The following CDH18 variants were observed in gnomAD, a reference collection of about 807,000 sequenced individuals.
CDH18 encodes the protein cadherin-18.
In CDH18, 31 loss-of-function variants were observed where a neutral mutation model predicts 67.9. The observed-to-expected ratio is 0.46, with a 90% confidence interval of 0.34 to 0.62. CDH18 has a LOEUF of 0.62. CDH18 is among the 20% of genes least tolerant of loss of function. The pLI is 0.01. For synonymous variants in CDH18, 362 were observed against 347.2 expected, an observed-to-expected ratio of 1.04 and a Z score of -0.48; for missense variants, 890 against 975.5, an observed-to-expected ratio of 0.91 and a Z score of 1.17.
At chr5:19,823,348 T>A (rs541015267) in intron 3 of CDH18, among the ~76,000 whole-genome samples, 2 of 152,268 alleles carry the variant, frequency 1.3e-5, no homozygotes, top group South Asian at 4.1e-4. Flanking sequence ...GTCCATGAAA[T>A]CTTCACAATT....
intron 11 of CDH18, among the ~76,000 whole-genome samples, chr5:19,485,506 C>T (rs950661833): frequency 3.9e-5 from 6 of 152,106 alleles, no homozygotes; most frequent in Admixed American, 6.6e-5. Flanking sequence ...CCACCCGCCT[C>T]GGCCTCCCAA....
chr5:20,219,084 T>C (rs1293378459), intron 2 of CDH18, among the ~76,000 whole-genome samples: 1 of 151,564 alleles, frequency 6.6e-6, no homozygotes, highest in Non-Finnish European at 1.5e-5. Flanking sequence ...TTTGATCAGA[T>C]AAAATCTACA....
intron 12 of CDH18, among the ~76,000 whole-genome samples, chr5:19,482,331 T>C (rs991584495): frequency 6.6e-6 from 1 of 152,070 alleles, no homozygotes; most frequent in South Asian, 2.1e-4. Context: ...TTAGCCAGGA[T>C]AGTCTCGATC....
At chr5:20,425,667 T>A (rs541216835) in intron 1 of CDH18, among the ~76,000 whole-genome samples, 1 of 151,076 alleles carries the variant, frequency 6.6e-6, no homozygotes, top group South Asian at 2.1e-4. Context: ...ATCTGGAGAT[T>A]GGGCGCAGAG....
chr5:20,150,587 C>G (rs1751021189), intron 2 of CDH18, among the ~76,000 whole-genome samples: 3 of 152,112 alleles, frequency 2.0e-5, no homozygotes, highest in Admixed American at 6.6e-5. Flanking sequence ...TATTTCTTAA[C>G]TTAGGTGGCA....
intron 5 of CDH18, among the ~76,000 whole-genome samples, chr5:19,698,742 A>T (rs1303105555): frequency 1.3e-5 from 2 of 152,096 alleles, no homozygotes; most frequent in African/African-American, 4.8e-5. Context: ...GAGAGAAAAG[A>T]TGTGGAAGAG....
rs1338411726 is a variant in CDH18, at chr5:19,977,486, A to G, written c.-257+3574T>C. Among the ~76,000 whole-genome samples, 5 of 152,126 alleles carry G rather than the reference A, an allele frequency of 3.3e-5. No homozygotes were observed. The East Asian group carries it at 9.6e-4, about 29-fold the overall frequency. Reference sequence around the variant, plus strand: ...TCACCAATAAGCCAGATTAAAGAAGACTGGCATATGTCACTCCATTTGCAT... The same window carrying G: ...TCACCAATAAGCCAGATTAAAGAAGGCTGGCATATGTCACTCCATTTGCAT... On this transcript the variant is annotated intron_variant, in intron 2 of 12. Transcript: ENST00000382275.
chr5:20,138,524 C>A (rs945581214), intron 2 of CDH18, among the ~76,000 whole-genome samples: 22 of 152,040 alleles, frequency 1.4e-4, no homozygotes, highest in African/African-American at 5.3e-4. Flanking sequence ...GAAGTCAAAT[C>A]TTCCCTGTTT....
intron 3 of CDH18, among the ~76,000 whole-genome samples, chr5:19,764,485 C>T (rs2149715397): frequency 1.3e-5 from 2 of 151,716 alleles, no homozygotes; most frequent in South Asian, 4.1e-4. Context: ...TTAATATAAA[C>T]ACATATAAAG....
chr5:19,618,583 A>G (rs147592065), intron 5 of CDH18, among the ~76,000 whole-genome samples: 24 of 152,294 alleles, frequency 1.6e-4, no homozygotes, highest in African/African-American at 5.5e-4. Flanking sequence ...GAAAATGGGT[A>G]GGACTCCCAG....
At chr5:19,759,021 C>A (rs1232423010) in intron 3 of CDH18, among the ~76,000 whole-genome samples, 1 of 152,190 alleles carries the variant, frequency 6.6e-6, no homozygotes. Context: ...TATTGCTGGC[C>A]TTGCCAGCTG....
intron 1 of CDH18, among the ~76,000 whole-genome samples, chr5:20,368,737 A>G (rs1439766906): frequency 2.0e-5 from 3 of 152,188 alleles, no homozygotes; most frequent in Non-Finnish European, 4.4e-5. Context: ...GCATTAGAGC[A>G]CACAAAGCCC....
intron 2 of CDH18, among the ~76,000 whole-genome samples, chr5:20,140,090 T>C (rs547547746): frequency 1.3e-5 from 2 of 152,256 alleles, no homozygotes; most frequent in East Asian, 1.9e-4. Context: ...AATGATAGAC[T>C]GGATTAAGAA....
chr5:20,214,177 A>G (rs570456659), intron 2 of CDH18, among the ~76,000 whole-genome samples: 2 of 152,212 alleles, frequency 1.3e-5, no homozygotes, highest in East Asian at 1.9e-4. Flanking sequence ...ACACTGCTCA[A>G]TGAAATTAGA....
At chr5:20,486,696 T>TATATATATATATATATAC (rs1434458790) in intron 1 of CDH18, among the ~76,000 whole-genome samples, 2 of 150,400 alleles carry the variant, frequency 1.3e-5, no homozygotes, top group Non-Finnish European at 3.0e-5. Flanking sequence ...TATATATATA[T>TATATATATATATATATAC]ATACATATAT....
intron 2 of CDH18, among the ~76,000 whole-genome samples, chr5:20,145,548 T>C (rs1341920664): frequency 6.6e-6 from 1 of 152,196 alleles, no homozygotes; most frequent in Non-Finnish European, 1.5e-5. Flanking sequence ...CAAGGTGTGC[T>C]GATTTAAATT....
intron 1 of CDH18, among the ~76,000 whole-genome samples, chr5:20,414,795 C>T (rs73058762): frequency 1.2e-3 from 180 of 152,152 alleles, no homozygotes; most frequent in African/African-American, 4.2e-3. Context: ...GTGAGAATGG[C>T]TATCATCAAA....
At chr5:19,530,714 G>A (rs2126976720) in intron 9 of CDH18, among the ~76,000 whole-genome samples, 1 of 152,276 alleles carries the variant, frequency 6.6e-6, no homozygotes, top group African/African-American at 2.4e-5. Context: ...ATAGTTTGCT[G>A]AGAATGATGG....
intron 2 of CDH18, among the ~76,000 whole-genome samples, chr5:20,229,452 TA>T (rs1192443209): frequency 2.0e-5 from 3 of 152,194 alleles, no homozygotes; most frequent in African/African-American, 7.2e-5. Context: ...GTCTCCCATA[TA>T]AAATCAGAGA....
Sources: allele counts gnomAD v4.1 joint callset (sites outside exome capture counted in the v4.1 genomes callset), GRCh38; gene constraint gnomAD v4.1.1; transcripts MANE v1.5; gene names NCBI Gene and HGNC (gene_info 2026-07-23, HGNC 2026-07-21).